Variants in CDH7 observed in about 807,000 individuals in gnomAD.
CDH7 encodes cadherin 7.
Under a neutral mutation model 71.8 loss-of-function variants are expected in CDH7, and 25 were observed. The observed-to-expected ratio is 0.35, with a 90% CI of 0.25 to 0.49. The LOEUF is 0.49. CDH7 is among the 20% of genes least tolerant of loss of function. The probability of loss-of-function intolerance (pLI) is 0.99; values close to 1 mark genes in which losing one functional copy is unlikely to be tolerated. For synonymous variants in CDH7, 381 were observed against 363.8 expected, an observed-to-expected ratio of 1.05 and a Z score of -0.54; for missense variants, 862 against 974.6, an observed-to-expected ratio of 0.88 and a Z score of 1.54.
chr18:65,885,372 G>GTGTTTTT lies in CDH7; in HGVS notation c.*4479_*4480insGTTTTTT, dbSNP rs1914342122. The GTGTTTTT allele has an allele frequency of 1.4e-5, 1 of 69,436 alleles. No homozygotes were observed. The highest frequency in any genetic ancestry group is 5.2e-5 in the African/African-American group (1 of 19,180). The allele number at this position is 69,436 out of a possible 1,614,324, so 4.3% of individuals were successfully genotyped here. A position where few individuals can be genotyped will look rare whatever the true frequency, so the allele number is the denominator to read the frequency against. On this transcript the variant is annotated 3_prime_UTR_variant, in exon 12 of 12. Transcript: ENST00000397968. ...GTAACTGAAAAGGATGTGTGCCTGT[G>GTGTTTTT]TTTTTTTTTTTTTTTTTTTTTTTGA...
intron 2 of CDH7, among the ~76,000 whole-genome samples, chr18:65,772,310 A>G (rs1156549379): frequency 2.6e-5 from 4 of 152,218 alleles, no homozygotes; most frequent in Non-Finnish European, 5.9e-5. Context: ...TGATTCTTTG[A>G]AATGAAGAAG....
intron 1 of CDH7, among the ~76,000 whole-genome samples, chr18:65,751,659 G>C (rs1915883038): frequency 2.6e-5 from 4 of 152,178 alleles, no homozygotes; most frequent in Admixed American, 2.0e-4. Context: ...CTTTCGTGAA[G>C]GTGGAGCTCA....
chr18:65,834,291 G>T (rs1391521661), intron 6 of CDH7, among the ~76,000 whole-genome samples: 1 of 152,148 alleles, frequency 6.6e-6, no homozygotes, highest in Non-Finnish European at 1.5e-5. Flanking sequence ...GTAATAGCAA[G>T]GTAAATATGT....
chr18:65,780,301 T>G (rs1910131896), intron 2 of CDH7, among the ~76,000 whole-genome samples: 1 of 115,928 alleles, frequency 8.6e-6, no homozygotes, highest in African/African-American at 3.9e-5. Flanking sequence ...AGAAGCTCTT[T>G]AGTTTAATTA....
At chr18:65,844,424 A>G (rs1297706714) in intron 7 of CDH7, among the ~76,000 whole-genome samples, 1 of 151,934 alleles carries the variant, frequency 6.6e-6, no homozygotes, top group Non-Finnish European at 1.5e-5. Context: ...CATATGTTAG[A>G]AAAATAATTG....
At chr18:65,827,638 C>T (rs1912181289) in intron 6 of CDH7, among the ~76,000 whole-genome samples, 1 of 151,870 alleles carries the variant, frequency 6.6e-6, no homozygotes, top group Non-Finnish European at 1.5e-5. Flanking sequence ...GGGGATTGCG[C>T]AAACTTGCTT....
intron 5 of CDH7, 89 bp from the exon 6 acceptor site, chr18:65,824,555 T>G (rs1912054209): frequency 1.3e-6 from 1 of 776,896 alleles, no homozygotes; most frequent in Non-Finnish European, 2.0e-6. Context: ...AAAGAAGTTG[T>G]GCTACAATGA....
intron 4 of CDH7, among the ~76,000 whole-genome samples, chr18:65,818,362 T>C (rs1015333154): frequency 6.6e-5 from 10 of 152,214 alleles, no homozygotes; most frequent in Non-Finnish European, 1.2e-4. Context: ...GGAAAGAAGA[T>C]GGCAGTTAGG....
intron 11 of CDH7, among the ~76,000 whole-genome samples, chr18:65,873,214 A>G (rs1913977794): frequency 6.6e-6 from 1 of 152,166 alleles, no homozygotes; most frequent in South Asian, 2.1e-4. Flanking sequence ...TTATTTTTCA[A>G]CTATACCTTG....
At chr18:65,854,722 C>G (rs79231585) in intron 7 of CDH7, among the ~76,000 whole-genome samples, 3,494 of 151,988 alleles carry the variant, frequency 0.023, 122 homozygotes, top group African/African-American at 0.078. Flanking sequence ...AGAGATTTGA[C>G]AAAGAGAGCA....
intron 2 of CDH7, among the ~76,000 whole-genome samples, chr18:65,785,345 CAG>C (rs1305722561): frequency 5.3e-5 from 8 of 151,824 alleles, no homozygotes; most frequent in African/African-American, 1.9e-4. Context: ...AATATGATGA[CAG>C]TGTTGTAGAT....
In CDH7 at chr18:65,880,690, C is replaced by T. The variant is rs1181479419; in HGVS notation, c.2154C>T (p.Ala718=). The part of the protein sequence containing the change: ...REFIWERLKE[A]DVDPGAPPYD... Reference sequence around the variant, plus strand: ...TTATTTGGGAAAGATTAAAAGAAGCCGATGTTGATCCTGGTGCTCCTCCTT... The same window carrying T: ...TTATTTGGGAAAGATTAAAAGAAGCTGATGTTGATCCTGGTGCTCCTCCTT... The change falls in exon 12 of 12, where the codon GCC becomes GCT. Residue 718 remains alanine, a synonymous_variant. Coordinates refer to ENST00000397968, the MANE Select transcript of CDH7 (RefSeq NM_004361.5). 2.5e-6 allele frequency: 4 copies of T among 1,613,984 alleles called. No individual in the cohort carries two copies. Among genetic ancestry groups the T allele is most frequent in the Admixed American group, 1.7e-5 (1 of 59,996 alleles).
In CDH7 at chr18:65,882,188, A is replaced by G. The variant is rs1914251674; in HGVS notation, c.*1294A>G. 1 of 152,148 alleles carries G rather than the reference A, an allele frequency of 6.6e-6. No individual in the cohort carries two copies. The highest frequency in any genetic ancestry group is 2.4e-5 in the African/African-American group (1 of 41,456). The allele number at this position is 152,148 out of a possible 1,614,324, so 9.4% of individuals were successfully genotyped here. On this transcript the variant is annotated 3_prime_UTR_variant, in exon 12 of 12. Coordinates refer to ENST00000397968, the MANE Select transcript of CDH7 (RefSeq NM_004361.5). ...CCCTCAAGAATTAACCAAGCAATGT[A>G]TGATTTCTGTGTGGTTTAGATGTGC...
intron 2 of CDH7, among the ~76,000 whole-genome samples, chr18:65,805,740 CATT>C (rs139886870): frequency 0.016 from 2,366 of 152,280 alleles, 54 homozygotes; most frequent in African/African-American, 0.053. Flanking sequence ...TTCAGGCTAA[CATT>C]GTTGTGCAAA....
intron 10 of CDH7, 75 bp from the exon 11 acceptor site, chr18:65,862,591 A>C (rs912402639): frequency 1.3e-5 from 18 of 1,425,274 alleles, no homozygotes; most frequent in Non-Finnish European, 1.6e-5. Flanking sequence ...AAGTAAATAG[A>C]GTGACTTAAA....
chr18:65,831,586 ATT>A (rs1912350792), intron 6 of CDH7, among the ~76,000 whole-genome samples: 3 of 152,104 alleles, frequency 2.0e-5, no homozygotes, highest in African/African-American at 7.2e-5. Flanking sequence ...CAGGATTTTG[ATT>A]TTCAGTTCTA....
At chr18:65,839,737 G>C (rs1399091971) in intron 6 of CDH7, among the ~76,000 whole-genome samples, 1 of 152,182 alleles carries the variant, frequency 6.6e-6, no homozygotes. Flanking sequence ...ATAAAGTTGT[G>C]TGAGAAAGAA....
At chr18:65,825,368 A>C (rs1912089745) in intron 6 of CDH7, among the ~76,000 whole-genome samples, 1 of 152,048 alleles carries the variant, frequency 6.6e-6, no homozygotes, top group South Asian at 2.1e-4. Context: ...CATACTTTCT[A>C]CAGAGCGAGT....
intron 6 of CDH7, among the ~76,000 whole-genome samples, chr18:65,843,548 G>A (rs116200728): frequency 4.4e-4 from 67 of 152,200 alleles, no homozygotes; most frequent in South Asian, 1.2e-3. Context: ...CTTTCAAATC[G>A]TATTCCAAAG....
Sources: gnomAD v4.1 joint callset for allele counts (sites outside exome capture counted in the v4.1 genomes callset) on GRCh38, gnomAD v4.1.1 for gene constraint, MANE v1.5 for transcripts, NCBI Gene and HGNC (gene_info 2026-07-23, HGNC 2026-07-21) for gene names.